The following CSMD1 variants were observed in gnomAD, a reference collection of about 807,000 sequenced individuals.
CSMD1 encodes CUB and sushi domain-containing protein 1.
A neutral mutation model predicts 417.5 loss-of-function variants in CSMD1; 213 were observed. That is an observed-to-expected ratio of 0.51 (90% CI 0.46 to 0.57). The LOEUF is 0.57. Ranked by LOEUF, CSMD1 falls within the 20% of genes least tolerant of loss-of-function variation. The pLI is 0.00. For missense variants in CSMD1, 6,923 were observed against 4,529.7 expected, an observed-to-expected ratio of 1.53 and a Z score of -15.17; for synonymous variants, 2,862 against 1,736.8, an observed-to-expected ratio of 1.65 and a Z score of -16.11.
chr8:4,445,911 G>A (rs1433333543), intron 2 of CSMD1, among the ~76,000 whole-genome samples: 1 of 152,186 alleles, frequency 6.6e-6, no homozygotes, highest in East Asian at 1.9e-4. Context: ...GCAGGGACGT[G>A]ACCTGGGCCT....
At chr8:4,295,247 CTTAA>C (rs1797605306) in intron 3 of CSMD1, among the ~76,000 whole-genome samples, 1 of 106,126 alleles carries the variant, frequency 9.4e-6, no homozygotes, top group African/African-American at 3.1e-5. Context: ...CACATATAAT[CTTAA>C]GATTTTCTAT....
intron 10 of CSMD1, among the ~76,000 whole-genome samples, chr8:3,504,302 A>T (rs749090652): frequency 7.9e-5 from 12 of 152,136 alleles, no homozygotes; most frequent in Non-Finnish European, 1.6e-4. Flanking sequence ...CAAAAGAGAG[A>T]GTCTGGGCTT....
At chr8:4,330,332 C>T (rs1799798505) in intron 3 of CSMD1, among the ~76,000 whole-genome samples, 1 of 151,574 alleles carries the variant, frequency 6.6e-6, no homozygotes, top group Non-Finnish European at 1.5e-5. Flanking sequence ...TGCTGGCTCA[C>T]ACCTGTAATC....
intron 1 of CSMD1, among the ~76,000 whole-genome samples, chr8:4,708,254 G>A (rs559466108): frequency 6.6e-6 from 1 of 152,118 alleles, no homozygotes; most frequent in African/African-American, 2.4e-5. Flanking sequence ...CTGGCCTTCA[G>A]TGTGACTCTT....
intron 5 of CSMD1, among the ~76,000 whole-genome samples, chr8:3,921,308 C>A (rs1317473163): frequency 6.6e-6 from 1 of 152,010 alleles, no homozygotes; most frequent in Non-Finnish European, 1.5e-5. Context: ...TTCTACTTAG[C>A]ATAAGAGTTT....
chr8:3,988,933 A>C (rs1814534337), intron 5 of CSMD1, among the ~76,000 whole-genome samples: 1 of 152,242 alleles, frequency 6.6e-6, no homozygotes, highest in Admixed American at 6.5e-5. Flanking sequence ...AGAAGTTAAC[A>C]GCTTTTATAA....
intron 26 of CSMD1, among the ~76,000 whole-genome samples, chr8:3,243,829 G>A (rs1217552973): frequency 2.6e-5 from 4 of 151,376 alleles, no homozygotes; most frequent in Non-Finnish European, 5.9e-5. Context: ...ATATTTATAT[G>A]TATATGCAAA....
intron 10 of CSMD1, among the ~76,000 whole-genome samples, chr8:3,563,883 C>T (rs760629549): frequency 3.8e-4 from 58 of 151,938 alleles, no homozygotes; most frequent in Non-Finnish European, 5.4e-4. Context: ...AACTAGACTC[C>T]GTCTCAAAAA....
At chr8:4,459,792 T>A (rs1799698372) in intron 2 of CSMD1, among the ~76,000 whole-genome samples, 1 of 152,238 alleles carries the variant, frequency 6.6e-6, no homozygotes, top group Admixed American at 6.5e-5. Flanking sequence ...TAATTTTTGC[T>A]GTTTAAAACC....
intron 7 of CSMD1, among the ~76,000 whole-genome samples, chr8:3,655,339 G>A (rs936320719): frequency 1.3e-5 from 2 of 152,126 alleles, no homozygotes; most frequent in Non-Finnish European, 2.9e-5. Context: ...ATTGTTTACT[G>A]TCATCTTCCC....
At chr8:4,958,060 G>C (rs7017888) in intron 1 of CSMD1, among the ~76,000 whole-genome samples, 2 of 152,040 alleles carry the variant, frequency 1.3e-5, no homozygotes, top group Admixed American at 6.6e-5. Flanking sequence ...TTTGATAAGA[G>C]GGAGCTTCAT....
At position 4,783,255 on chromosome 8, in the gene CSMD1, C is replaced by A. The variant is rs77122156; in HGVS notation, c.86-145697G>T. ...CATATCATGATGTCCACTGTCAGAA[C>A]AGGAAATCAAGATGGTGAATAATAC... On this transcript the variant is annotated intron_variant, in intron 1 of 69. Coordinates refer to ENST00000635120, the MANE Select transcript of CSMD1 (RefSeq NM_033225.6). 3.3e-5 allele frequency among the ~76,000 whole-genome samples: 5 copies of A among 152,254 alleles called. No individual in the cohort carries two copies. The East Asian group carries it at 7.7e-4, about 23-fold the overall frequency.
At chr8:4,367,085 T>A (rs1224011629) in intron 3 of CSMD1, among the ~76,000 whole-genome samples, 1 of 152,194 alleles carries the variant, frequency 6.6e-6, no homozygotes, top group East Asian at 1.9e-4. Flanking sequence ...TTTATTGCAA[T>A]TGCTTTTAGA....
intron 1 of CSMD1, among the ~76,000 whole-genome samples, chr8:4,844,816 C>G (rs1319404960): frequency 6.6e-6 from 1 of 152,084 alleles, no homozygotes. Flanking sequence ...ATTCACGGGA[C>G]AATCCAAACC....
At chr8:4,781,749 C>A (rs745872611) in intron 1 of CSMD1, among the ~76,000 whole-genome samples, 18 of 152,084 alleles carry the variant, frequency 1.2e-4, no homozygotes, top group Non-Finnish European at 2.2e-4. Flanking sequence ...TATATGGTAA[C>A]CATTCTTAAT....
At chr8:4,186,845 A>AAAT (rs11434985) in intron 3 of CSMD1, among the ~76,000 whole-genome samples, 1 of 151,036 alleles carries the variant, frequency 6.6e-6, no homozygotes, top group African/African-American at 2.4e-5. Flanking sequence ...AAAAAAAAAA[A>AAAT]ATCAGCCGGG....
intron 7 of CSMD1, among the ~76,000 whole-genome samples, chr8:3,624,598 T>C (rs745420226): frequency 8.5e-5 from 13 of 152,210 alleles, no homozygotes; most frequent in Admixed American, 2.6e-4. Context: ...AGGTGACGTA[T>C]GTTTTTATCT....
At position 4,772,827 on chromosome 8, in the gene CSMD1, G is replaced by C. The variant is rs183887570; in HGVS notation, c.86-135269C>G. Among the ~76,000 whole-genome samples the C allele has an allele frequency of 4.0e-3, 604 of 152,258 alleles. 8 individuals are homozygous for C. Among genetic ancestry groups the C allele is most frequent in the Middle Eastern group, 0.014 (4 of 294 alleles). ...AATTTCGGATACTAACATTTCCTAA[G>C]TTTGATATGTATGTCTGCTTCTGAA... On this transcript the variant is annotated intron_variant, in intron 1 of 69. Coordinates refer to ENST00000635120, the MANE Select transcript of CSMD1 (RefSeq NM_033225.6).
chr8:4,353,929 G>A (rs1295168426), intron 3 of CSMD1, among the ~76,000 whole-genome samples: 3 of 152,108 alleles, frequency 2.0e-5, no homozygotes, highest in African/African-American at 4.8e-5. Flanking sequence ...ATGTTCATTT[G>A]AGGTATATTA....
Sources: allele counts gnomAD v4.1 joint callset (sites outside exome capture counted in the v4.1 genomes callset), GRCh38; gene constraint gnomAD v4.1.1; transcripts MANE v1.5; gene names NCBI Gene and HGNC (gene_info 2026-07-23, HGNC 2026-07-21).